The following FOXP1 variants were observed in gnomAD, a reference collection of about 807,000 sequenced individuals.
The protein encoded by FOXP1 is forkhead box P1, also known as forkhead box protein P1.
Under a neutral mutation model 98.2 loss-of-function variants are expected in FOXP1, and 15 were observed. That is an observed-to-expected ratio of 0.15 (90% CI 0.10 to 0.24). The LOEUF is 0.24. Among genes scored for constraint, FOXP1 ranks in the 10% least tolerant of loss-of-function variants. The pLI is 1.00. For synonymous variants in FOXP1, 371 were observed against 314.5 expected, an observed-to-expected ratio of 1.18 and a Z score of -1.90; for missense variants, 633 against 848.5, an observed-to-expected ratio of 0.75 and a Z score of 3.15.
chr3:71,282,615 GA>G (rs34981481), intron 5 of FOXP1, among the ~76,000 whole-genome samples: 16,404 of 150,068 alleles, frequency 0.11, 969 homozygotes, highest in East Asian at 0.16. Flanking sequence ...ATTTTTGCAG[GA>G]AAAAAAAAGG....
intron 3 of FOXP1, among the ~76,000 whole-genome samples, chr3:71,413,068 A>G (rs1201736633): frequency 6.6e-6 from 1 of 152,108 alleles, no homozygotes; most frequent in Non-Finnish European, 1.5e-5. Flanking sequence ...GGAGGAGGCA[A>G]CAAACAAACC....
chr3:71,114,715 G>A (rs191124570), intron 6 of FOXP1, among the ~76,000 whole-genome samples: 76 of 152,228 alleles, frequency 5.0e-4, no homozygotes, highest in Admixed American at 9.2e-4. Context: ...AGACAGATTC[G>A]ACAAGGCCTG....
At chr3:71,227,612 C>A (rs1345374092) in intron 5 of FOXP1, among the ~76,000 whole-genome samples, 1 of 151,982 alleles carries the variant, frequency 6.6e-6, no homozygotes, top group East Asian at 1.9e-4. Context: ...AGATTACACC[C>A]AGGGCTGTCA....
intron 3 of FOXP1, among the ~76,000 whole-genome samples, chr3:71,371,797 C>G (rs546427424): frequency 6.6e-6 from 1 of 152,004 alleles, no homozygotes; most frequent in African/African-American, 2.4e-5. Flanking sequence ...TCCTTCGCCC[C>G]GGTATACAGG....
intron 2 of FOXP1, among the ~76,000 whole-genome samples, chr3:71,528,919 A>G (rs951162146): frequency 6.6e-6 from 1 of 152,220 alleles, no homozygotes; most frequent in Admixed American, 6.5e-5. Context: ...TTCAAGGAAT[A>G]GCGATCATGA....
intron 2 of FOXP1, among the ~76,000 whole-genome samples, chr3:71,497,175 G>GA (rs1441001075): frequency 8.6e-5 from 13 of 151,262 alleles, no homozygotes; most frequent in African/African-American, 2.9e-4. Flanking sequence ...AAAAAGAAAA[G>GA]AAAAAAATGA....
chr3:71,043,768 A>T (rs1051636715), intron 10 of FOXP1, among the ~76,000 whole-genome samples: 1 of 152,230 alleles, frequency 6.6e-6, no homozygotes, highest in East Asian at 1.9e-4. Context: ...TCTCTCGAAG[A>T]AAAGCAGAAC....
At chr3:71,040,763 C>T (rs893150027) in intron 11 of FOXP1, among the ~76,000 whole-genome samples, 4 of 152,140 alleles carry the variant, frequency 2.6e-5, no homozygotes, top group African/African-American at 9.6e-5. Flanking sequence ...TACAACAGAT[C>T]CCCCACCTCC....
intron 2 of FOXP1, among the ~76,000 whole-genome samples, chr3:71,569,677 A>G (rs2047182305): frequency 6.6e-6 from 1 of 152,190 alleles, no homozygotes; most frequent in Non-Finnish European, 1.5e-5. Flanking sequence ...AGAAAGACAC[A>G]TATGTGCCAA....
chr3:71,031,568 T>C (rs982772046), intron 11 of FOXP1, among the ~76,000 whole-genome samples: 9 of 152,200 alleles, frequency 5.9e-5, no homozygotes, highest in African/African-American at 2.2e-4. Context: ...TCTTTGCACT[T>C]CTCACACCTC....
intron 3 of FOXP1, among the ~76,000 whole-genome samples, chr3:71,424,631 TA>T: frequency 6.6e-6 from 1 of 152,298 alleles, no homozygotes. Flanking sequence ...AGAAGGTTTT[TA>T]AAAACCCACA....
intron 2 of FOXP1, among the ~76,000 whole-genome samples, chr3:71,546,500 C>T (rs1054360971): frequency 1.3e-5 from 2 of 152,070 alleles, no homozygotes; most frequent in African/African-American, 2.4e-5. Context: ...ACAGTGGAGC[C>T]TCTGGCCATG....
At chr3:71,407,946 TC>T (rs2082468537) in intron 3 of FOXP1, among the ~76,000 whole-genome samples, 1 of 152,146 alleles carries the variant, frequency 6.6e-6, no homozygotes, top group African/African-American at 2.4e-5. Context: ...TTCTTCATGT[TC>T]CCTGGTGATT....
chr3:71,027,370 C>T (rs1691897099), intron 11 of FOXP1, among the ~76,000 whole-genome samples: 1 of 152,194 alleles, frequency 6.6e-6, no homozygotes, highest in African/African-American at 2.4e-5. Context: ...CAGAACCATA[C>T]ACAAGGGCCA....
intron 3 of FOXP1, among the ~76,000 whole-genome samples, chr3:71,384,277 C>A (rs912636124): frequency 6.6e-6 from 1 of 152,152 alleles, no homozygotes; most frequent in Non-Finnish European, 1.5e-5. Flanking sequence ...AACATCCTTC[C>A]AAATTTCTCT....
chr3:71,393,666 A>G (rs531469419), intron 3 of FOXP1, among the ~76,000 whole-genome samples: 1 of 152,214 alleles, frequency 6.6e-6, no homozygotes, highest in Admixed American at 6.5e-5. Flanking sequence ...TTTCTAAGCA[A>G]AATGCAAAAT....
chr3:71,499,784 G>A (rs1423578850), intron 2 of FOXP1, among the ~76,000 whole-genome samples: 1 of 152,132 alleles, frequency 6.6e-6, no homozygotes, highest in Non-Finnish European at 1.5e-5. Context: ...ACCAACTCCT[G>A]TGAATAACTT....
At chr3:71,064,717 G>A (rs2052132024) in intron 7 of FOXP1, 1 of 782,068 alleles carries the variant, frequency 1.3e-6, no homozygotes, top group African/African-American at 1.9e-5. Flanking sequence ...CTCAACTTCA[G>A]AACCCTCGGG....
chr3:71,423,466 G>C lies in FOXP1; in HGVS notation c.-167-64222C>G, dbSNP rs141365309. Among the ~76,000 whole-genome samples the C allele has an allele frequency of 3.9e-3, 593 of 152,326 alleles. 12 individuals are homozygous for C. Among genetic ancestry groups the C allele is most frequent in the Admixed American group, 0.034 (525 of 15,306 alleles). On this transcript the variant is annotated intron_variant, in intron 3 of 20. Transcript: ENST00000649528. ...AAAAACACATTAGTCCTAAAGGCGT[G>C]TCCTCTGTCTCCCCTCGCAAACTGC...
Sources: gnomAD v4.1 joint callset for allele counts (sites outside exome capture counted in the v4.1 genomes callset) on GRCh38, gnomAD v4.1.1 for gene constraint, MANE v1.5 for transcripts, NCBI Gene and HGNC (gene_info 2026-07-23, HGNC 2026-07-21) for gene names.